Variants in DMD observed in about 807,000 individuals in gnomAD.
The protein encoded by DMD is mutant dystrophin.
DMD carries 63 observed loss-of-function variants against 330.1 expected under a neutral mutation model. The observed-to-expected ratio is 0.19, with a 90% CI of 0.16 to 0.24. The LOEUF (loss-of-function observed/expected upper bound fraction) is 0.24, where lower values mean the gene tolerates loss of function less well. Among genes scored for constraint, DMD ranks in the 10% least tolerant of loss-of-function variants. DMD has a pLI of 1.00. For missense variants in DMD, 3,344 were observed against 2,684.1 expected, an observed-to-expected ratio of 1.25 and a Z score of -5.43; for synonymous variants, 1,223 against 959.8, an observed-to-expected ratio of 1.27 and a Z score of -5.07.
At chrX:31,187,760 A>C (rs1213365747) in intron 67 of DMD, among the ~76,000 whole-genome samples, 2 of 57,855 alleles carry the variant, frequency 3.5e-5, no homozygotes, top group African/African-American at 5.3e-5. Context: ...AGAGAGAGAG[A>C]GAGAGAGAGA....
At chrX:32,348,346 TC>T (rs2097770789) in intron 38 of DMD, 59 bp downstream of exon 38, 7 of 1,124,172 alleles carry the variant, frequency 6.2e-6, no homozygotes, top group Middle Eastern at 4.8e-4. Flanking sequence ...TTATCTAAGT[TC>T]TTTCCAAATA....
intron 2 of DMD, among the ~76,000 whole-genome samples, chrX:32,873,667 GA>G (rs1397091781): frequency 9.0e-6 from 1 of 111,608 alleles, no homozygotes; most frequent in Non-Finnish European, 1.9e-5. Flanking sequence ...ATAAGGCTAG[GA>G]AAAAATGCAA....
chrX:31,147,375 C>T lies in DMD; in HGVS notation c.10697G>A (p.Arg3566His), dbSNP rs2147934267. The T allele has an allele frequency of 5.0e-6, 6 of 1,209,943 alleles. No individual in the cohort carries two copies. Among genetic ancestry groups the T allele is most frequent in the Non-Finnish European group, 5.6e-6 (5 of 895,114 alleles). The change falls in exon 75 of 79, where the codon CGT (arginine) becomes CAT (histidine). Residue 3566 changes from arginine (R) to histidine (H), a missense_variant. Transcript: ENST00000357033. ...AELIAEAKLLRQHKGRLEARM... is the reference protein window; with the variant it reads ...AELIAEAKLLHQHKGRLEARM... ...GGCTTCCAGGCGGCCTTTGTGTTGA[C>T]GCAGTAGCTTGGCCTCAGCAATGAG...
chrX:32,804,594 A>G (rs1346036275), intron 7 of DMD, among the ~76,000 whole-genome samples: 3 of 112,679 alleles, frequency 2.7e-5, no homozygotes, highest in Non-Finnish European at 5.6e-5. Context: ...AGAGAGCAGC[A>G]GATCTCCCAG....
At chrX:31,720,116 C>T (rs934077460) in intron 52 of DMD, among the ~76,000 whole-genome samples, 6 of 111,969 alleles carry the variant, frequency 5.4e-5, no homozygotes, top group Non-Finnish European at 9.4e-5. Flanking sequence ...AGAACAAGCT[C>T]GGCTTTCCCC....
chrX:32,632,893 C>A (rs2058838330), intron 11 of DMD, among the ~76,000 whole-genome samples: 2 of 112,226 alleles, frequency 1.8e-5, no homozygotes. Context: ...GGCCTTTTTC[C>A]CCATTGTCTT....
intron 47 of DMD, among the ~76,000 whole-genome samples, chrX:31,919,591 C>T (rs957896644): frequency 2.7e-5 from 3 of 111,935 alleles, no homozygotes; most frequent in Non-Finnish European, 3.8e-5. Flanking sequence ...ATACTTGTCC[C>T]GGTGATAACT....
chrX:31,856,728 T>C (rs1174161681), intron 48 of DMD, among the ~76,000 whole-genome samples: 2 of 112,439 alleles, frequency 1.8e-5, no homozygotes, highest in African/African-American at 6.5e-5. Flanking sequence ...TGTATGTATG[T>C]GTGTGTGCAT....
intron 52 of DMD, among the ~76,000 whole-genome samples, chrX:31,703,399 T>A (rs1213205050): frequency 8.9e-6 from 1 of 112,083 alleles, no homozygotes; most frequent in African/African-American, 3.2e-5. Flanking sequence ...CTCACATGTG[T>A]CTATGCTTTC....
At chrX:33,073,165 G>A (rs2094785753) in intron 1 of DMD, among the ~76,000 whole-genome samples, 1 of 111,742 alleles carries the variant, frequency 8.9e-6, no homozygotes, top group African/African-American at 3.3e-5. Context: ...CAGTTTTGGT[G>A]CAAGGTGGTT....
At chrX:32,450,476 T>A (rs1473263949) in intron 26 of DMD, among the ~76,000 whole-genome samples, 1 of 111,084 alleles carries the variant, frequency 9.0e-6, no homozygotes, top group Non-Finnish European at 1.9e-5. Context: ...CATTTTGACT[T>A]TAGTAATTAT....
intron 55 of DMD, among the ~76,000 whole-genome samples, chrX:31,545,570 C>T (rs902993511): frequency 8.9e-6 from 1 of 112,260 alleles, no homozygotes; most frequent in African/African-American, 3.2e-5. Context: ...TTTCCTTTGC[C>T]TTAAAAAGAA....
At position 32,022,772 on chromosome X, in the gene DMD, T is replaced by C. The variant is rs1361418721; in HGVS notation, c.6439-54258A>G. On this transcript the variant is annotated intron_variant, in intron 44 of 78. Coordinates refer to ENST00000357033, the MANE Select transcript of DMD (RefSeq NM_004006.3). ...CAAACAGGGAAACAATGTCATATAT[T>C]GCAAAAAAGGATTTGTTTGGGCTTG... is the stretch of plus-strand genomic sequence containing the variant. Among the ~76,000 whole-genome samples the C allele has an allele frequency of 2.7e-5, 3 of 110,616 alleles. No homozygotes were observed. The East Asian group carries it at 8.4e-4, about 31-fold the overall frequency.
intron 19 of DMD, among the ~76,000 whole-genome samples, chrX:32,494,656 G>A (rs778784690): frequency 3.6e-5 from 4 of 111,296 alleles, no homozygotes; most frequent in Admixed American, 9.6e-5. Flanking sequence ...AGACATATTA[G>A]ACAATGCCAT....
intron 1 of DMD, among the ~76,000 whole-genome samples, chrX:33,064,505 C>T (rs765628427): frequency 4.5e-5 from 5 of 111,855 alleles, no homozygotes; most frequent in South Asian, 3.7e-4. Context: ...TTGACACCAC[C>T]GAATATACTT....
intron 48 of DMD, among the ~76,000 whole-genome samples, chrX:31,851,398 T>C (rs909601075): frequency 4.5e-5 from 5 of 112,163 alleles, no homozygotes; most frequent in African/African-American, 1.6e-4. Context: ...ACTGTGAAGA[T>C]ATAATCTACT....
intron 67 of DMD, among the ~76,000 whole-genome samples, chrX:31,196,123 TAAC>T (rs1411996455): frequency 8.9e-6 from 1 of 111,825 alleles, no homozygotes; most frequent in Non-Finnish European, 1.9e-5. Flanking sequence ...TTTTTAAAAA[TAAC>T]AACTGGAAAC....
chrX:33,285,244 C>T (rs1266774348), intron 1 of DMD, among the ~76,000 whole-genome samples: 1 of 110,930 alleles, frequency 9.0e-6, no homozygotes, highest in Non-Finnish European at 1.9e-5. Context: ...TATAATGAAC[C>T]AGTCATTATT....
chrX:31,645,475 G>C (rs2080033279), intron 54 of DMD, among the ~76,000 whole-genome samples: 1 of 112,159 alleles, frequency 8.9e-6, no homozygotes, highest in South Asian at 3.7e-4. Context: ...AAAAATGTCT[G>C]AATAGAGTCA....
Sources: allele counts gnomAD v4.1 joint callset (sites outside exome capture counted in the v4.1 genomes callset), GRCh38; gene constraint gnomAD v4.1.1; transcripts MANE v1.5; gene names NCBI Gene and HGNC (gene_info 2026-07-23, HGNC 2026-07-21).